The following PSAP variants were observed in gnomAD, a reference collection of about 807,000 sequenced individuals.
PSAP encodes prosaposin, also known as precursor of saposins.
PSAP carries 25 observed loss-of-function variants against 66.0 expected under a neutral mutation model. The observed-to-expected ratio is 0.38, with a 90% CI of 0.28 to 0.53. PSAP has a LOEUF of 0.53. PSAP is among the 20% of genes least tolerant of loss of function. The probability of loss-of-function intolerance (pLI) is 0.83; values close to 1 mark genes in which losing one functional copy is unlikely to be tolerated. For missense variants in PSAP, 649 were observed against 668.8 expected, an observed-to-expected ratio of 0.97 and a Z score of 0.33; for synonymous variants, 273 against 258.9, an observed-to-expected ratio of 1.05 and a Z score of -0.52.
At chr10:71,826,018 G>C in intron 6 of PSAP, 125 bp from the exon 7 acceptor site, 1 of 773,580 alleles carries the variant, frequency 1.3e-6, no homozygotes, top group Non-Finnish European at 2.2e-6. Flanking sequence ...TTCTAAAGTA[G>C]AATTTTATGA....
intron 8 of PSAP, 103 bp from the exon 9 acceptor site, chr10:71,820,438 A>G (rs1477403501): frequency 3.3e-6 from 3 of 901,456 alleles, no homozygotes; most frequent in Non-Finnish European, 5.6e-6. Flanking sequence ...GTGGGTTAGC[A>G]CATCAAGGGC....
intron 4 of PSAP, among the ~76,000 whole-genome samples, chr10:71,830,725 GATGA>G (rs1398802717): frequency 1.2e-4 from 18 of 152,330 alleles, no homozygotes; most frequent in African/African-American, 4.1e-4. Flanking sequence ...ATACATACTT[GATGA>G]ATGAAAGACC....
intron 1 of PSAP, among the ~76,000 whole-genome samples, chr10:71,840,559 A>G (rs7899959): frequency 0.41 from 62,985 of 152,168 alleles, 14,709 homozygotes; most frequent in Middle Eastern, 0.54. Flanking sequence ...ATCATTCAGA[A>G]TAGTATACGC....
intron 8 of PSAP, among the ~76,000 whole-genome samples, chr10:71,821,066 C>T (rs1405533891): frequency 6.6e-6 from 1 of 152,228 alleles, no homozygotes; most frequent in African/African-American, 2.4e-5. Flanking sequence ...GGTCAGCAGG[C>T]TGGAGCTGAG....
chr10:71,829,689 C>T (rs1366283359), intron 4 of PSAP, among the ~76,000 whole-genome samples: 1 of 152,086 alleles, frequency 6.6e-6, no homozygotes, highest in Non-Finnish European at 1.5e-5. Context: ...TACCTCTTTC[C>T]CCTCAGCTCT....
In PSAP at chr10:71,825,827, T is replaced by C. The variant is rs770857044; in HGVS notation, c.777+10A>G. The C allele has an allele frequency of 1.2e-6, 2 of 1,610,748 alleles. No individual in the cohort carries two copies. The highest frequency in any genetic ancestry group is 2.2e-5 in the South Asian group (2 of 91,016). On this transcript the variant is annotated intron_variant, in intron 7 of 13. Transcript: ENST00000394936. ...GAAAAATGCTAACAAGGGGCCTCCG[T>C]GCCACCTACCATGTGCATCATCATC...
chr10:71,827,405 G>GA (rs56103602), intron 6 of PSAP, among the ~76,000 whole-genome samples: 22,270 of 129,268 alleles, frequency 0.17, 1,942 homozygotes, highest in East Asian at 0.27. Flanking sequence ...TCTCAAAAAA[G>GA]AAAAAAAAAA....
At chr10:71,849,633 AAAC>A (rs1183508975) in intron 1 of PSAP, among the ~76,000 whole-genome samples, 1 of 151,948 alleles carries the variant, frequency 6.6e-6, no homozygotes, top group African/African-American at 2.4e-5. Flanking sequence ...CAAAACAAAC[AAAC>A]AAAAAAAAAA....
Position 71,819,121 on chromosome 10 carries a change from A to T in PSAP, c.1351-10T>A, listed in dbSNP as rs747414740. On this transcript the variant is annotated splice_polypyrimidine_tract_variant and intron_variant, in intron 11 of 13. Coordinates refer to ENST00000394936, the MANE Select transcript of PSAP (RefSeq NM_002778.4). ...CCACAAACTGATCACACTATAAAGG[A>T]AAGTGGGGACACAGGTCCAGCTCTG... 2 of 1,612,888 alleles carry T rather than the reference A, an allele frequency of 1.2e-6. No homozygotes were observed. The highest frequency in any genetic ancestry group is 1.7e-6 in the Non-Finnish European group (2 of 1,178,952).
chr10:71,837,595 C>T (rs720295), intron 1 of PSAP, among the ~76,000 whole-genome samples: 62,702 of 152,168 alleles, frequency 0.41, 14,641 homozygotes, highest in Middle Eastern at 0.54. Context: ...CCACTGACTG[C>T]GCAGAGCCCG....
intron 7 of PSAP, among the ~76,000 whole-genome samples, chr10:71,823,080 C>T (rs931487003): frequency 1.3e-5 from 2 of 151,722 alleles, no homozygotes; most frequent in Non-Finnish European, 2.9e-5. Flanking sequence ...TTTGTTCCAA[C>T]TCCTTGAGGA....
chr10:71,816,321 T>A lies in PSAP; in HGVS notation c.*1120A>T, dbSNP rs1048035557. On this transcript the variant is annotated 3_prime_UTR_variant, in exon 14 of 14. Transcript: ENST00000394936. ...GATCTGGCTAACAGAATTTTATTGT[T>A]AAATCACAGAAACTTTAGTGCAAAA... 9 of 459,666 alleles carry A rather than the reference T, an allele frequency of 2.0e-5. No individual in the cohort carries two copies. Among genetic ancestry groups the A allele is most frequent in the Admixed American group, 1.4e-4 (6 of 42,304 alleles). 28.5% of individuals were successfully genotyped at this position (459,666 alleles called of 1,614,324 possible). A position where few individuals can be genotyped will look rare whatever the true frequency, so the allele number is the denominator to read the frequency against.
At chr10:71,843,479 C>T (rs887206251) in intron 1 of PSAP, among the ~76,000 whole-genome samples, 1 of 152,176 alleles carries the variant, frequency 6.6e-6, no homozygotes, top group Non-Finnish European at 1.5e-5. Context: ...TCATAAGTAA[C>T]GTGACAAATA....
At position 71,819,751 on chromosome 10, in the gene PSAP, C is replaced by G; in HGVS notation, c.1155G>C (p.Leu385=). 3.7e-6 allele frequency: 6 copies of G among 1,614,130 alleles called. No homozygotes were observed. Among genetic ancestry groups the G allele is most frequent in the Non-Finnish European group, 5.1e-6 (6 of 1,180,038 alleles). ...GCAGCCGCGTGCCAGAGCAGAGGTG[C>G]AGCATGCTGCACACCAGCTCAGGGC... ...EVSPELVCSM[L]HLCSGTRLPA... is the part of the protein sequence containing the mutation. The change falls in exon 10 of 14, where the codon CTG becomes CTC. Residue 385 remains leucine (L), a synonymous_variant. Coordinates refer to ENST00000394936, the MANE Select transcript of PSAP (RefSeq NM_002778.4).
chr10:71,839,906 T>C (rs1443679743), intron 1 of PSAP, among the ~76,000 whole-genome samples: 1 of 152,042 alleles, frequency 6.6e-6, no homozygotes, highest in Non-Finnish European at 1.5e-5. Flanking sequence ...TTGTTTACAG[T>C]CAAACCTAAG....
chr10:71,843,522 A>G (rs778766151), intron 1 of PSAP, among the ~76,000 whole-genome samples: 2 of 152,220 alleles, frequency 1.3e-5, no homozygotes, highest in Non-Finnish European at 2.9e-5. Flanking sequence ...CGTCTTCTTC[A>G]ATCTTAGTCA....
intron 7 of PSAP, chr10:71,823,916 G>A: frequency 7.7e-7 from 1 of 1,294,128 alleles, no homozygotes; most frequent in Non-Finnish European, 1.0e-6. Flanking sequence ...AAAAAAACAG[G>A]AAATCGGAGG....
chr10:71,845,604 C>T (rs1271352862), intron 1 of PSAP, among the ~76,000 whole-genome samples: 4 of 152,172 alleles, frequency 2.6e-5, no homozygotes, highest in Non-Finnish European at 5.9e-5. Context: ...AAACCTTGTA[C>T]TCTATACTCC....
chr10:71,829,953 C>T (rs545009582), intron 4 of PSAP, among the ~76,000 whole-genome samples: 5 of 152,034 alleles, frequency 3.3e-5, no homozygotes, highest in East Asian at 1.9e-4. Flanking sequence ...GTCAAGATCG[C>T]GCCATTGCAC....
Sources: gnomAD v4.1 joint callset for allele counts (sites outside exome capture counted in the v4.1 genomes callset) on GRCh38, gnomAD v4.1.1 for gene constraint, MANE v1.5 for transcripts, NCBI Gene and HGNC (gene_info 2026-07-23, HGNC 2026-07-21) for gene names.